The following FGGY variants were observed in gnomAD, a reference collection of about 807,000 sequenced individuals.
FGGY encodes FGGY carbohydrate kinase domain-containing protein.
FGGY carries 72 observed loss-of-function variants against 71.3 expected under a neutral mutation model. That is an observed-to-expected ratio of 1.01 (90% CI 0.84 to 1.23). The LOEUF (loss-of-function observed/expected upper bound fraction) is 1.23. FGGY is among the 50% of genes most tolerant of loss of function. The probability of loss-of-function intolerance (pLI) is 0.00; values close to 1 mark genes in which losing one functional copy is unlikely to be tolerated. For missense variants in FGGY, 668 were observed against 682.3 expected (o/e 0.98, Z 0.23); for synonymous variants, 251 against 250.3 (o/e 1.00, Z -0.02).
chr1:59,574,897 T>G (rs1016433623), intron 8 of FGGY, among the ~76,000 whole-genome samples: 1 of 152,170 alleles, frequency 6.6e-6, no homozygotes, highest in African/African-American at 2.4e-5. Flanking sequence ...CTAAAATCAG[T>G]GCTAGTTATG....
At chr1:59,759,927 T>A (rs1301696309) in intron 15 of FGGY, among the ~76,000 whole-genome samples, 1 of 152,230 alleles carries the variant, frequency 6.6e-6, no homozygotes, top group Non-Finnish European at 1.5e-5. Context: ...CAAATTTATA[T>A]GTGGCTCTGG....
At chr1:59,461,594 C>G (rs2153521792) in intron 6 of FGGY, among the ~76,000 whole-genome samples, 1 of 152,234 alleles carries the variant, frequency 6.6e-6, no homozygotes. Context: ...TCAAGAAGAG[C>G]AACCCCAAGA....
At chr1:59,371,301 A>G (rs1411157378) in intron 4 of FGGY, among the ~76,000 whole-genome samples, 1 of 152,158 alleles carries the variant, frequency 6.6e-6, no homozygotes, top group Non-Finnish European at 1.5e-5. Context: ...AGATCAAAAG[A>G]GACAAAGAAG....
intron 6 of FGGY, among the ~76,000 whole-genome samples, chr1:59,475,074 C>T (rs931270967): frequency 1.3e-5 from 2 of 152,238 alleles, no homozygotes; most frequent in Non-Finnish European, 2.9e-5. Context: ...GATAGATTAT[C>T]TGCCAAAGAC....
At chr1:59,740,589 A>G (rs777784795) in intron 14 of FGGY, among the ~76,000 whole-genome samples, 2 of 152,212 alleles carry the variant, frequency 1.3e-5, no homozygotes, top group Non-Finnish European at 2.9e-5. Flanking sequence ...AGGGCTTTCT[A>G]TTGATTATTT....
At chr1:59,603,351 T>C (rs2096595387) in intron 8 of FGGY, among the ~76,000 whole-genome samples, 1 of 152,204 alleles carries the variant, frequency 6.6e-6, no homozygotes, top group Admixed American at 6.5e-5. Flanking sequence ...TTATTAAGCA[T>C]ATTGATTAAA....
intron 5 of FGGY, among the ~76,000 whole-genome samples, chr1:59,410,699 A>G (rs1358943393): frequency 6.6e-6 from 1 of 152,228 alleles, no homozygotes; most frequent in Non-Finnish European, 1.5e-5. Flanking sequence ...TCTAACAGAG[A>G]ACAGGGCTCA....
intron 2 of FGGY, among the ~76,000 whole-genome samples, chr1:59,329,842 G>A (rs1240503731): frequency 6.6e-6 from 1 of 152,114 alleles, no homozygotes; most frequent in African/African-American, 2.4e-5. Flanking sequence ...TTCCTCTTTT[G>A]CTCCAGCCAA....
At chr1:59,463,487 A>G (rs150221443) in intron 6 of FGGY, among the ~76,000 whole-genome samples, 288 of 152,344 alleles carry the variant, frequency 1.9e-3, no homozygotes, top group African/African-American at 6.7e-3. Context: ...CATCATAATG[A>G]CAGGATCAAA....
At chr1:59,336,607 A>G (rs1321214450) in intron 2 of FGGY, among the ~76,000 whole-genome samples, 1 of 151,804 alleles carries the variant, frequency 6.6e-6, no homozygotes, top group Non-Finnish European at 1.5e-5. Context: ...TAAGCCCCAC[A>G]TGCATTAGGT....
At position 59,321,729 on chromosome 1, in the gene FGGY, T is replaced by C. The variant is rs760151330; in HGVS notation, c.180T>C (p.Ala60=). Residue 60 remains alanine, a synonymous_variant, in exon 2 of 16, where the codon GCT becomes GCC. Coordinates refer to ENST00000303721, the MANE Select transcript of FGGY (RefSeq NM_018291.5). ...AGCAGTCCTCCGAGGACATCTGGGCTGCGTGCTGTGTTGTCACAAAGGTAT... is the reference window on the plus strand; with the variant it reads ...AGCAGTCCTCCGAGGACATCTGGGCCGCGTGCTGTGTTGTCACAAAGGTAT... ...HHEQSSEDIW[A]ACCVVTKKVV... The C allele has an allele frequency of 6.8e-6, 11 of 1,611,532 alleles. No individual in the cohort carries two copies. The South Asian group carries it at 7.7e-5, about 11-fold the overall frequency.
intron 5 of FGGY, among the ~76,000 whole-genome samples, chr1:59,384,395 T>C (rs369755343): frequency 2.6e-5 from 4 of 152,238 alleles, no homozygotes; most frequent in African/African-American, 9.6e-5. Flanking sequence ...TCTTATTTAC[T>C]CAATATTTCT....
chr1:59,541,514 G>A (rs1194480980), intron 7 of FGGY, among the ~76,000 whole-genome samples: 1 of 152,150 alleles, frequency 6.6e-6, no homozygotes, highest in Non-Finnish European at 1.5e-5. Context: ...GCTGAAGGGA[G>A]TCTGGGGAGT....
intron 8 of FGGY, among the ~76,000 whole-genome samples, chr1:59,580,763 T>C (rs1366832698): frequency 2.0e-5 from 3 of 152,190 alleles, no homozygotes; most frequent in African/African-American, 7.2e-5. Context: ...TCTCCTTCTT[T>C]TTCTACTACT....
intron 5 of FGGY, among the ~76,000 whole-genome samples, chr1:59,422,412 G>A (rs1328295103): frequency 1.3e-5 from 2 of 152,130 alleles, no homozygotes; most frequent in African/African-American, 2.4e-5. Flanking sequence ...TGACTTGCTG[G>A]GCTGGGCGTG....
At chr1:59,377,721 C>G (rs190169254) in intron 4 of FGGY, among the ~76,000 whole-genome samples, 1 of 152,026 alleles carries the variant, frequency 6.6e-6, no homozygotes, top group South Asian at 2.1e-4. Flanking sequence ...TGGAAACCCC[C>G]TCAAGGAATG....
intron 6 of FGGY, among the ~76,000 whole-genome samples, chr1:59,489,875 T>G (rs1447756702): frequency 2.0e-5 from 3 of 152,154 alleles, no homozygotes; most frequent in African/African-American, 7.2e-5. Flanking sequence ...CACCAGCATG[T>G]TAATTTTTTG....
chr1:59,325,905 G>T (rs1462215227), intron 2 of FGGY, among the ~76,000 whole-genome samples: 1 of 152,160 alleles, frequency 6.6e-6, no homozygotes, highest in Non-Finnish European at 1.5e-5. Context: ...CCTAAATTTG[G>T]CAGGTTTTAT....
At chr1:59,679,235 T>G (rs972599224) in intron 14 of FGGY, among the ~76,000 whole-genome samples, 5 of 152,362 alleles carry the variant, frequency 3.3e-5, no homozygotes, top group Middle Eastern at 6.8e-3. Context: ...TCACCTGTTA[T>G]GCATTTCAGA....
Sources: gnomAD v4.1 joint callset for allele counts (sites outside exome capture counted in the v4.1 genomes callset) on GRCh38, gnomAD v4.1.1 for gene constraint, MANE v1.5 for transcripts, NCBI Gene and HGNC (gene_info 2026-07-23, HGNC 2026-07-21) for gene names.